NALCN: variants seen among roughly 807,000 people sequenced by gnomAD.
NALCN encodes the protein sodium leak channel, non-selective.
Under a neutral mutation model 225.3 loss-of-function variants are expected in NALCN, and 111 were observed. The ratio of observed to expected loss-of-function variants is 0.49; its 90% CI spans 0.42 to 0.58. The LOEUF is 0.58. Among genes scored for constraint, NALCN ranks in the 20% least tolerant of loss-of-function variants. The pLI is 0.00. For missense variants in NALCN, 1,378 were observed against 2,202.4 expected, an observed-to-expected ratio of 0.63 and a Z score of 7.49; for synonymous variants, 764 against 769.0, an observed-to-expected ratio of 0.99 and a Z score of 0.11.
At position 101,104,666 on chromosome 13, in the gene NALCN, C is replaced by A; in HGVS notation, c.2637-16G>T. On this transcript the variant is annotated splice_polypyrimidine_tract_variant and intron_variant, in intron 23 of 43. Coordinates refer to ENST00000251127, the MANE Select transcript of NALCN (RefSeq NM_052867.4). The surrounding 1 kb of genome is among the most constrained non-coding windows in gnomAD (Gnocchi z 4.2). Reference sequence around the variant, plus strand: ...CAGCAAATCACTGCCAAAGACCAAACAAAATTGAGAAACATAAAGGTTCCA... The same window carrying A: ...CAGCAAATCACTGCCAAAGACCAAAAAAAATTGAGAAACATAAAGGTTCCA... The A allele has an allele frequency of 1.2e-6, 2 of 1,613,390 alleles. No homozygotes were observed. The highest frequency in any genetic ancestry group is 1.1e-5 in the South Asian group (1 of 90,968).
At chr13:101,151,412 A>T (rs1275894030) in intron 15 of NALCN, among the ~76,000 whole-genome samples, 2 of 152,256 alleles carry the variant, frequency 1.3e-5, no homozygotes, top group African/African-American at 4.8e-5. Context: ...ATGATTTCCC[A>T]AAAGAAAACA....
intron 10 of NALCN, among the ~76,000 whole-genome samples, chr13:101,264,654 T>C (rs1014639958): frequency 1.3e-5 from 2 of 152,144 alleles, no homozygotes; most frequent in African/African-American, 2.4e-5. Flanking sequence ...GGATACTCCT[T>C]AATAGCAGGC....
intron 34 of NALCN, among the ~76,000 whole-genome samples, chr13:101,077,113 G>A (rs1417468855): frequency 6.6e-6 from 1 of 152,108 alleles, no homozygotes; most frequent in Non-Finnish European, 1.5e-5. Flanking sequence ...GCCACCATGT[G>A]GAGAAAGATG....
intron 28 of NALCN, 138 bp downstream of exon 28, chr13:101,095,436 G>T (rs112174424): frequency 1.6e-6 from 1 of 630,288 alleles, no homozygotes; most frequent in Non-Finnish European, 2.6e-6. Context: ...ATAATCTAGC[G>T]CTTCGCCCTG....
chr13:101,256,937 G>A (rs998329308), intron 11 of NALCN, among the ~76,000 whole-genome samples: 4 of 151,876 alleles, frequency 2.6e-5, no homozygotes, highest in African/African-American at 9.7e-5. Flanking sequence ...CTAATTTTTT[G>A]TATTTTTAGT....
At chr13:101,339,692 C>T (rs2045494274) in intron 7 of NALCN, among the ~76,000 whole-genome samples, 1 of 152,058 alleles carries the variant, frequency 6.6e-6, no homozygotes, top group South Asian at 2.1e-4. Context: ...GGCTCCAATC[C>T]AGGGGTCACA....
intron 11 of NALCN, among the ~76,000 whole-genome samples, chr13:101,253,016 TAAG>T (rs972667081): frequency 1.3e-5 from 2 of 152,022 alleles, no homozygotes; most frequent in African/African-American, 4.8e-5. Context: ...TTTTATTTCT[TAAG>T]AAAATAATAT....
chr13:101,203,736 A>G (rs1305981791), intron 13 of NALCN, among the ~76,000 whole-genome samples: 3 of 152,220 alleles, frequency 2.0e-5, no homozygotes, highest in African/African-American at 7.2e-5. Context: ...CTACTATTCT[A>G]TAATCTATTA....
chr13:101,354,906 A>G lies in NALCN; in HGVS notation c.645-9486T>C, dbSNP rs1489436231. 6.6e-5 allele frequency among the ~76,000 whole-genome samples: 10 copies of G among 152,170 alleles called. No homozygotes were observed. In the East Asian group the frequency reaches 1.9e-3, roughly 29 times the overall value. On this transcript the variant is annotated intron_variant, in intron 6 of 43. Coordinates refer to ENST00000251127, the MANE Select transcript of NALCN (RefSeq NM_052867.4). ...GTCCTTGCGCAAATCTCATCGAAGT[A>G]TACTCCTCAGCGCTGGAGGTGGGGC... is the stretch of plus-strand genomic sequence containing the variant.
intron 11 of NALCN, 60 bp downstream of exon 11, chr13:101,258,383 G>T: frequency 6.2e-7 from 1 of 1,602,626 alleles, no homozygotes. Context: ...TCTCTAAGAG[G>T]CACTGTCCGC....
At chr13:101,084,330 T>A (rs1293902205) in intron 30 of NALCN, among the ~76,000 whole-genome samples, 1 of 152,212 alleles carries the variant, frequency 6.6e-6, no homozygotes, top group Non-Finnish European at 1.5e-5. Context: ...ATATTCTGTA[T>A]AATAGAGTAC....
intron 43 of NALCN, 152 bp from the exon 44 acceptor site, chr13:101,055,640 CT>C (rs2031134418): frequency 1.8e-6 from 1 of 568,804 alleles, no homozygotes; most frequent in East Asian, 3.0e-5. Flanking sequence ...GGACTTGATT[CT>C]TTATGTTCAC....
intron 9 of NALCN, among the ~76,000 whole-genome samples, chr13:101,286,463 C>G (rs771834893): frequency 6.6e-5 from 10 of 152,162 alleles, no homozygotes; most frequent in Non-Finnish European, 1.2e-4. Flanking sequence ...CCATGCTAGT[C>G]TACAAGGTGA....
chr13:101,227,117 T>C (rs977605682), intron 13 of NALCN, among the ~76,000 whole-genome samples: 2 of 152,144 alleles, frequency 1.3e-5, no homozygotes, highest in Admixed American at 6.5e-5. Flanking sequence ...AAAGTCTTGA[T>C]TGTAACTTTC....
At chr13:101,244,742 A>G (rs2041843982) in intron 11 of NALCN, among the ~76,000 whole-genome samples, 1 of 152,230 alleles carries the variant, frequency 6.6e-6, no homozygotes, top group Non-Finnish European at 1.5e-5. Flanking sequence ...ATTAGTTTAA[A>G]TGATCACTAA....
At chr13:101,131,262 G>C (rs1566314616) in intron 17 of NALCN, among the ~76,000 whole-genome samples, 1 of 152,082 alleles carries the variant, frequency 6.6e-6, no homozygotes, top group Non-Finnish European at 1.5e-5. Flanking sequence ...AGTTTGAGCT[G>C]GTTAGAGCAC....
intron 7 of NALCN, among the ~76,000 whole-genome samples, chr13:101,305,127 C>T (rs560031031): frequency 7.2e-5 from 11 of 152,100 alleles, no homozygotes; most frequent in African/African-American, 9.7e-5. Flanking sequence ...ATATACCTGA[C>T]GGTTTTTATG....
intron 1 of NALCN, among the ~76,000 whole-genome samples, chr13:101,402,870 C>G (rs2047515039): frequency 6.6e-6 from 1 of 152,196 alleles, no homozygotes. Context: ...TCTTCAGGTT[C>G]CCCATGTGCA....
intron 3 of NALCN, among the ~76,000 whole-genome samples, chr13:101,382,489 A>T (rs2046879125): frequency 6.6e-6 from 1 of 152,172 alleles, no homozygotes; most frequent in East Asian, 1.9e-4. Flanking sequence ...AAATAAATTT[A>T]AATTTAAAAA....
Sources: allele counts gnomAD v4.1 joint callset (sites outside exome capture counted in the v4.1 genomes callset), GRCh38; gene constraint gnomAD v4.1.1; non-coding constraint Gnocchi (gnomAD v3.1); transcripts MANE v1.5; gene names NCBI Gene and HGNC (gene_info 2026-07-23, HGNC 2026-07-21).